The following OR1J2 variants were observed in gnomAD, a reference collection of about 807,000 sequenced individuals.
OR1J2 encodes the protein olfactory receptor family 1 subfamily J member 2.
For missense variants in OR1J2, 304 were observed against 246.1 expected (o/e 1.24, Z -1.57); for synonymous variants, 142 against 99.7 (o/e 1.42, Z -2.52).
chr9:122,555,852 C>T, the OR1J2 span, among the ~76,000 whole-genome samples: 1 of 152,322 alleles, frequency 6.6e-6, no homozygotes, highest in East Asian at 1.9e-4. Context: ...ACATTTATTA[C>T]AATCCATTAG....
chr9:122,480,128 T>A, the OR1J2 span, among the ~76,000 whole-genome samples: 1 of 152,194 alleles, frequency 6.6e-6, no homozygotes, highest in Non-Finnish European at 1.5e-5. Flanking sequence ...AGGGCAGGGA[T>A]TCACTATAAC....
chr9:122,530,176 C>T, the OR1J2 span, among the ~76,000 whole-genome samples: 1 of 152,098 alleles, frequency 6.6e-6, no homozygotes, highest in African/African-American at 2.4e-5. Context: ...AAGGCCAGAT[C>T]AGTAGGGGAG....
chr9:122,492,385 T>A, the OR1J2 span, among the ~76,000 whole-genome samples: 2 of 152,212 alleles, frequency 1.3e-5, no homozygotes, highest in Non-Finnish European at 2.9e-5. Context: ...CACATTTTTT[T>A]ATTTAGTCCA....
the OR1J2 span, among the ~76,000 whole-genome samples, chr9:122,518,174 T>C: frequency 6.6e-6 from 1 of 152,220 alleles, no homozygotes; most frequent in African/African-American, 2.4e-5. Context: ...TTAGAATATT[T>C]TAATGGGTAG....
the OR1J2 span, chr9:122,553,307 C>T: frequency 8.2e-5 from 133 of 1,613,942 alleles, no homozygotes; most frequent in Non-Finnish European, 9.9e-5. Flanking sequence ...TTCTGTTTGG[C>T]ATCTTCCTTG....
At chr9:122,469,814 T>G in the OR1J2 span, among the ~76,000 whole-genome samples, 2 of 152,176 alleles carry the variant, frequency 1.3e-5, no homozygotes, top group African/African-American at 4.8e-5. Flanking sequence ...TGACTCTTGT[T>G]ATGTTTTAGC....
chr9:122,556,533 G>C, the OR1J2 span, among the ~76,000 whole-genome samples: 1 of 152,098 alleles, frequency 6.6e-6, no homozygotes, highest in East Asian at 1.9e-4. Flanking sequence ...AGGGGACAAG[G>C]GGAGGGAGAG....
At chr9:122,463,336 CT>C in the OR1J2 span, among the ~76,000 whole-genome samples, 3 of 151,978 alleles carry the variant, frequency 2.0e-5, no homozygotes, top group African/African-American at 4.8e-5. Flanking sequence ...TATCCTGTAT[CT>C]TTTTTTGATT....
chr9:122,544,213 A>G, the OR1J2 span, among the ~76,000 whole-genome samples: 6 of 151,880 alleles, frequency 4.0e-5, no homozygotes, highest in Non-Finnish European at 1.5e-5. Context: ...TTAAATGATG[A>G]GGGAATTAAA....
chr9:122,557,850 T>A, the OR1J2 span, among the ~76,000 whole-genome samples: 1 of 152,056 alleles, frequency 6.6e-6, no homozygotes, highest in Admixed American at 6.5e-5. Flanking sequence ...TGGTACTTTC[T>A]GTTTGGGAAA....
the OR1J2 span, among the ~76,000 whole-genome samples, chr9:122,576,340 G>C: frequency 6.6e-6 from 1 of 151,508 alleles, no homozygotes; most frequent in African/African-American, 2.4e-5. Context: ...TCCTGGCTCA[G>C]CCTCCCAAGT....
the OR1J2 span, among the ~76,000 whole-genome samples, chr9:122,528,926 C>A: frequency 1.3e-5 from 2 of 152,136 alleles, no homozygotes; most frequent in Admixed American, 1.3e-4. Flanking sequence ...TTTTAGAATT[C>A]TTTGTCATTA....
chr9:122,531,442 A>G, the OR1J2 span, among the ~76,000 whole-genome samples: 2 of 152,098 alleles, frequency 1.3e-5, no homozygotes, highest in African/African-American at 4.8e-5. Flanking sequence ...TAGACAGAAG[A>G]TAGTAGGGAT....
the OR1J2 span, among the ~76,000 whole-genome samples, chr9:122,546,754 A>C: frequency 1.3e-5 from 2 of 152,220 alleles, no homozygotes; most frequent in Middle Eastern, 3.2e-3. Flanking sequence ...TGTGTGTAAG[A>C]ATAATGGAAG....
At chr9:122,546,052 G>A in the OR1J2 span, among the ~76,000 whole-genome samples, 2 of 151,974 alleles carry the variant, frequency 1.3e-5, no homozygotes, top group Non-Finnish European at 2.9e-5. Flanking sequence ...TAAACTTGTC[G>A]CTTACATTCT....
upstream of OR1J2, among the ~76,000 whole-genome samples, chr9:122,509,737 G>C (rs1031923841): frequency 6.6e-6 from 1 of 152,128 alleles, no homozygotes; most frequent in Non-Finnish European, 1.5e-5. Flanking sequence ...GGGCCTTTAA[G>C]CCATATTAAG....
At chr9:122,473,945 G>A in the OR1J2 span, among the ~76,000 whole-genome samples, 2 of 152,126 alleles carry the variant, frequency 1.3e-5, no homozygotes, top group Admixed American at 1.3e-4. Context: ...TTATCTATTA[G>A]CCGAGCAAGA....
At chr9:122,575,838 C>G in the OR1J2 span, among the ~76,000 whole-genome samples, 2,382 of 152,270 alleles carry the variant, frequency 0.016, 32 homozygotes, top group South Asian at 0.025. Flanking sequence ...TACATTAGAT[C>G]TCTAGACTTG....
the OR1J2 span, among the ~76,000 whole-genome samples, chr9:122,470,327 T>C: frequency 6.6e-6 from 1 of 152,220 alleles, no homozygotes; most frequent in East Asian, 1.9e-4. Context: ...TGGCTTCAGA[T>C]GGTGCAAGCT....
Sources: allele counts gnomAD v4.1 joint callset (sites outside exome capture counted in the v4.1 genomes callset), GRCh38; gene constraint gnomAD v4.1.1; transcripts MANE v1.5; gene names NCBI Gene and HGNC (gene_info 2026-07-23, HGNC 2026-07-21).